Variants in LGR5 observed in about 807,000 individuals in gnomAD.
LGR5 encodes leucine rich repeat containing G protein-coupled receptor 5, also known as leucine-rich repeat-containing G protein-coupled receptor 5.
LGR5 carries 54 observed loss-of-function variants against 76.7 expected under a neutral mutation model. That is an observed-to-expected ratio of 0.70 (90% CI 0.57 to 0.88). The LOEUF is 0.88. Among genes scored for constraint, LGR5 ranks in the 40% least tolerant of loss-of-function variants. The pLI, the probability that LGR5 is intolerant of heterozygous loss-of-function variation, is 0.00. For missense variants in LGR5, 1,078 were observed against 1,073.3 expected (o/e 1.00, Z -0.06); for synonymous variants, 406 against 421.9 (o/e 0.96, Z 0.46).
intron 1 of LGR5, among the ~76,000 whole-genome samples, chr12:71,460,391 G>A (rs1233816152): frequency 6.6e-6 from 1 of 152,116 alleles, no homozygotes; most frequent in African/African-American, 2.4e-5. Context: ...CAAATAAAGC[G>A]TAAGGTCCTT....
At chr12:71,568,248 AG>A (rs1878443181) in intron 11 of LGR5, among the ~76,000 whole-genome samples, 1 of 152,214 alleles carries the variant, frequency 6.6e-6, no homozygotes, top group Non-Finnish European at 1.5e-5. Flanking sequence ...TTAAAAGCAA[AG>A]GCTGTGGAGC....
intron 1 of LGR5, among the ~76,000 whole-genome samples, chr12:71,501,255 G>A (rs2137298284): frequency 6.6e-6 from 1 of 152,306 alleles, no homozygotes; most frequent in African/African-American, 2.4e-5. Flanking sequence ...TTAAGGGTCA[G>A]AATGAAGATA....
At chr12:71,530,428 C>T (rs1322395117) in intron 3 of LGR5, among the ~76,000 whole-genome samples, 2 of 151,966 alleles carry the variant, frequency 1.3e-5, no homozygotes, top group African/African-American at 4.8e-5. Context: ...GGGCCCTGAC[C>T]TGAGTAAGGA....
intron 13 of LGR5, among the ~76,000 whole-genome samples, chr12:71,573,642 T>C (rs774766299): frequency 6.6e-6 from 1 of 152,246 alleles, no homozygotes; most frequent in Non-Finnish European, 1.5e-5. Flanking sequence ...AGGTAATGTT[T>C]AAACTATAGT....
intron 4 of LGR5, among the ~76,000 whole-genome samples, chr12:71,548,432 G>T (rs891898579): frequency 2.0e-5 from 3 of 151,870 alleles, no homozygotes; most frequent in Non-Finnish European, 2.9e-5. Flanking sequence ...CTATTATGAG[G>T]GTTGAAAGAA....
chr12:71,479,404 C>A (rs983482259), intron 1 of LGR5, among the ~76,000 whole-genome samples: 2 of 152,190 alleles, frequency 1.3e-5, no homozygotes, highest in Non-Finnish European at 2.9e-5. Flanking sequence ...GCTGGTCAAT[C>A]AACTGGAGTA....
intron 2 of LGR5, among the ~76,000 whole-genome samples, chr12:71,517,684 A>G (rs2701077): frequency 0.21 from 32,547 of 152,058 alleles, 3,624 homozygotes; most frequent in Admixed American, 0.3. Context: ...GACCAAAATA[A>G]CAGTTATGAG....
chr12:71,488,609 G>A (rs533310205), intron 1 of LGR5, among the ~76,000 whole-genome samples: 4 of 152,138 alleles, frequency 2.6e-5, no homozygotes, highest in Admixed American at 2.6e-4. Flanking sequence ...ATGTTTTGCA[G>A]CATTGATTTA....
chr12:71,481,795 A>G (rs1325519333), intron 1 of LGR5, among the ~76,000 whole-genome samples: 1 of 152,210 alleles, frequency 6.6e-6, no homozygotes, highest in East Asian at 1.9e-4. Flanking sequence ...TATTTTAATT[A>G]AAACTTTTAG....
At chr12:71,533,526 A>C (rs1876435534) in intron 3 of LGR5, among the ~76,000 whole-genome samples, 1 of 152,178 alleles carries the variant, frequency 6.6e-6, no homozygotes, top group Non-Finnish European at 1.5e-5. Context: ...GGGGCCCAGC[A>C]TTCTGTTTTA....
intron 1 of LGR5, among the ~76,000 whole-genome samples, chr12:71,470,816 C>G (rs1285231040): frequency 6.6e-6 from 1 of 152,162 alleles, no homozygotes; most frequent in Non-Finnish European, 1.5e-5. Context: ...AGATTGTCTT[C>G]CTCACTCTAC....
intron 1 of LGR5, among the ~76,000 whole-genome samples, chr12:71,501,568 T>A (rs996389659): frequency 6.6e-6 from 1 of 152,206 alleles, no homozygotes; most frequent in Non-Finnish European, 1.5e-5. Flanking sequence ...AAGAGGAGCA[T>A]CGCTCACCAA....
intron 4 of LGR5, among the ~76,000 whole-genome samples, chr12:71,545,861 A>G (rs552487735): frequency 6.6e-6 from 1 of 152,222 alleles, no homozygotes; most frequent in Non-Finnish European, 1.5e-5. Flanking sequence ...CAATAACACC[A>G]TTTATAAGTG....
chr12:71,562,283 T>C (rs1488623649), intron 8 of LGR5, among the ~76,000 whole-genome samples: 1 of 152,252 alleles, frequency 6.6e-6, no homozygotes, highest in Non-Finnish European at 1.5e-5. Context: ...AGGGGTTTTA[T>C]ACTGTTTTGT....
chr12:71,496,557 A>G (rs1222475385), intron 1 of LGR5, among the ~76,000 whole-genome samples: 3 of 152,192 alleles, frequency 2.0e-5, no homozygotes, highest in East Asian at 3.9e-4. Flanking sequence ...GCATACACCA[A>G]TAGTCAGCAA....
rs780145953 is a variant in LGR5, at chr12:71,578,012, C to G, written c.1280+16C>G. On this transcript the variant is annotated intron_variant, in intron 14 of 17. Coordinates refer to ENST00000266674, the MANE Select transcript of LGR5 (RefSeq NM_003667.4). ...TAATAAAGCTGTGAGTATTCCACAA[C>G]TTGTTTATGGTATGTCTCTTAATAA... 3.2e-6 allele frequency: 5 copies of G among 1,576,516 alleles called. No individual in the cohort carries two copies. Among genetic ancestry groups the G allele is most frequent in the Non-Finnish European group, 4.4e-6 (5 of 1,146,038 alleles).
chr12:71,555,360 C>T (rs539546447), intron 5 of LGR5, among the ~76,000 whole-genome samples: 1 of 152,166 alleles, frequency 6.6e-6, no homozygotes, highest in Non-Finnish European at 1.5e-5. Flanking sequence ...TCCTTAAGCC[C>T]ATTTTCTAAA....
intron 12 of LGR5, among the ~76,000 whole-genome samples, chr12:71,572,574 C>T (rs1878663143): frequency 1.3e-5 from 2 of 152,196 alleles, no homozygotes; most frequent in Non-Finnish European, 2.9e-5. Flanking sequence ...CAGAAGGCAG[C>T]ACTAGAAGAG....
At chr12:71,543,394 G>A (rs1483758076) in intron 4 of LGR5, among the ~76,000 whole-genome samples, 2 of 152,122 alleles carry the variant, frequency 1.3e-5, no homozygotes, top group African/African-American at 4.8e-5. Flanking sequence ...GTAAGACACA[G>A]GAAAGAACCA....
Sources: allele counts gnomAD v4.1 joint callset (sites outside exome capture counted in the v4.1 genomes callset), GRCh38; gene constraint gnomAD v4.1.1; transcripts MANE v1.5; gene names NCBI Gene and HGNC (gene_info 2026-07-23, HGNC 2026-07-21).